The following DIP2B variants were observed in gnomAD, a reference collection of about 807,000 sequenced individuals.
The protein encoded by DIP2B is DIP2 acetate--CoA ligase B (putative).
Under a neutral mutation model 198.0 loss-of-function variants are expected in DIP2B, and 76 were observed. The ratio of observed to expected loss-of-function variants is 0.38; its 90% CI spans 0.32 to 0.46. The LOEUF (loss-of-function observed/expected upper bound fraction) is 0.46, where lower values mean the gene tolerates loss of function less well. Among genes scored for constraint, DIP2B ranks in the 20% least tolerant of loss-of-function variants. The pLI, the probability that DIP2B is intolerant of heterozygous loss-of-function variation, is 0.99. For missense variants in DIP2B, 1,559 were observed against 1,978.4 expected, an observed-to-expected ratio of 0.79 and a Z score of 4.02; for synonymous variants, 701 against 739.1, an observed-to-expected ratio of 0.95 and a Z score of 0.84.
At chr12:50,735,282 A>C in intron 34 of DIP2B, 152 bp downstream of exon 34, 1 of 753,836 alleles carries the variant, frequency 1.3e-6, no homozygotes, top group South Asian at 1.7e-5. Context: ...TTTCAAATTC[A>C]TATGGGTACA....
intron 1 of DIP2B, among the ~76,000 whole-genome samples, chr12:50,583,116 GT>G (rs1357066000): frequency 2.0e-5 from 3 of 152,300 alleles, no homozygotes; most frequent in African/African-American, 7.2e-5. Context: ...GGGCTTCATT[GT>G]TGCCTGGAAG....
intron 22 of DIP2B, among the ~76,000 whole-genome samples, chr12:50,712,807 CTG>C (rs1450020856): frequency 6.6e-6 from 1 of 152,128 alleles, no homozygotes; most frequent in Non-Finnish European, 1.5e-5. Flanking sequence ...ACTCCGGAGA[CTG>C]AGGCAGGAGA....
At chr12:50,684,813 G>A (rs766294044) in intron 10 of DIP2B, among the ~76,000 whole-genome samples, 6 of 151,238 alleles carry the variant, frequency 4.0e-5, no homozygotes, top group African/African-American at 9.7e-5. Context: ...GAAATCAGCC[G>A]GGCCGCAGTG....
chr12:50,640,074 C>T (rs866304493), intron 2 of DIP2B, among the ~76,000 whole-genome samples: 4 of 152,040 alleles, frequency 2.6e-5, no homozygotes, highest in South Asian at 2.1e-4. Flanking sequence ...ATTTTGTTAA[C>T]GTACATCTCG....
At chr12:50,685,714 T>C in intron 10 of DIP2B, 119 bp from the exon 11 acceptor site, 4 of 1,152,020 alleles carry the variant, frequency 3.5e-6, no homozygotes, top group East Asian at 2.7e-5. Flanking sequence ...TTGCCAGATA[T>C]TGGTGGGGCT....
chr12:50,695,433 T>C lies in DIP2B; in HGVS notation c.1813+73T>C. 3.5e-6 allele frequency: 5 copies of C among 1,444,132 alleles called. 1 individual carries two copies. Among genetic ancestry groups the C allele is most frequent in the South Asian group, 2.3e-5 (2 of 86,362 alleles). The allele number at this position is 1,444,132 out of a possible 1,614,324, so 89.5% of individuals were successfully genotyped here. A position where few individuals can be genotyped will look rare whatever the true frequency, so the allele number is the denominator to read the frequency against. On this transcript the variant is annotated intron_variant, in intron 15 of 37. Transcript: ENST00000301180. ...AAGATTTCAGGGATTTCAGAGATTT[T>C]CAAATTGCCCTTGTATGCCCCTGTC...
At chr12:50,654,622 G>A (rs180842795) in intron 3 of DIP2B, among the ~76,000 whole-genome samples, 1 of 152,050 alleles carries the variant, frequency 6.6e-6, no homozygotes, top group Non-Finnish European at 1.5e-5. Context: ...CAAATGCTTG[G>A]ATTACAGGTA....
Position 50,706,552 on chromosome 12 carries a change from C to T in DIP2B, c.2421C>T (p.Phe807=), listed in dbSNP as rs201410681. The T allele has an allele frequency of 1.3e-4, 209 of 1,613,420 alleles. No homozygotes were observed. The highest frequency in any genetic ancestry group is 1.7e-4 in the Non-Finnish European group (196 of 1,179,714). The change falls in exon 21 of 38, where the codon TTC becomes TTT. Residue 807 remains phenylalanine (F), a synonymous_variant. Coordinates refer to ENST00000301180, the MANE Select transcript of DIP2B (RefSeq NM_173602.3). The part of the protein sequence containing the change: ...LGFVGPGSLV[F]VVGKMDGLLM... ...TTACCTTTCAGGGTAGTTTGGTGTT[C>T]GTGGTTGGGAAAATGGATGGCTTAC...
At chr12:50,661,223 C>G (rs567316503) in intron 4 of DIP2B, among the ~76,000 whole-genome samples, 10 of 152,204 alleles carry the variant, frequency 6.6e-5, no homozygotes, top group Admixed American at 5.2e-4. Context: ...TATAGTGTCT[C>G]TCTTTCTACT....
intron 1 of DIP2B, among the ~76,000 whole-genome samples, chr12:50,518,087 A>G (rs7313783): frequency 0.96 from 146,793 of 152,322 alleles, 70,969 homozygotes; most frequent in East Asian, 1. Context: ...AAAAGCACCT[A>G]AACATTGCAT....
chr12:50,725,095 A>T (rs1022178193), intron 28 of DIP2B, among the ~76,000 whole-genome samples: 2 of 152,204 alleles, frequency 1.3e-5, no homozygotes, highest in Admixed American at 6.5e-5. Flanking sequence ...AGAGCTCTCC[A>T]AACAAAATTG....
chr12:50,633,443 A>T (rs1938100883), intron 2 of DIP2B: 1 of 152,160 alleles, frequency 6.6e-6, no homozygotes, highest in Non-Finnish European at 1.5e-5. Flanking sequence ...TAGACCGAAA[A>T]AGGAAGTAGT....
intron 1 of DIP2B, among the ~76,000 whole-genome samples, chr12:50,560,509 A>G (rs1414764412): frequency 6.6e-6 from 1 of 152,198 alleles, no homozygotes; most frequent in Non-Finnish European, 1.5e-5. Context: ...CGGAGGTTAC[A>G]GTGAGCTGAA....
At chr12:50,735,353 C>T (rs1275262703) in intron 34 of DIP2B, among the ~76,000 whole-genome samples, 1 of 152,054 alleles carries the variant, frequency 6.6e-6, no homozygotes, top group Non-Finnish European at 1.5e-5. Flanking sequence ...AAAAATCCAA[C>T]TGACATGTTA....
chr12:50,683,029 A>T (rs1592125982), intron 9 of DIP2B, 109 bp from the exon 10 acceptor site: 1 of 924,742 alleles, frequency 1.1e-6, no homozygotes, highest in African/African-American at 1.7e-5. Flanking sequence ...GCTGTTAAAT[A>T]GTTTGATTTA....
chr12:50,647,072 C>T (rs921690258), intron 3 of DIP2B, among the ~76,000 whole-genome samples: 8 of 150,294 alleles, frequency 5.3e-5, no homozygotes, highest in East Asian at 2.0e-4. Flanking sequence ...GGGTGGGGGA[C>T]GCTGTGGTCC....
intron 20 of DIP2B, among the ~76,000 whole-genome samples, chr12:50,705,121 A>G (rs1037373625): frequency 3.9e-5 from 6 of 152,190 alleles, no homozygotes; most frequent in African/African-American, 1.4e-4. Flanking sequence ...GCATGACATC[A>G]TGGGAAGTAG....
chr12:50,519,421 A>G (rs570484914), intron 1 of DIP2B, among the ~76,000 whole-genome samples: 1 of 152,266 alleles, frequency 6.6e-6, no homozygotes, highest in East Asian at 1.9e-4. Context: ...TTTTTAAAAG[A>G]ATGAAAAATA....
chr12:50,722,696 C>CTGAG (rs1939864361), intron 26 of DIP2B, among the ~76,000 whole-genome samples: 2 of 152,308 alleles, frequency 1.3e-5, no homozygotes, highest in African/African-American at 4.8e-5. Flanking sequence ...GGGGAAGGAC[C>CTGAG]TGAGCTCTTC....
Sources: allele counts gnomAD v4.1 joint callset (sites outside exome capture counted in the v4.1 genomes callset), GRCh38; gene constraint gnomAD v4.1.1; transcripts MANE v1.5; gene names NCBI Gene and HGNC (gene_info 2026-07-23, HGNC 2026-07-21).